KCNMA1: variants seen among roughly 807,000 people sequenced by gnomAD.
The protein encoded by KCNMA1 is potassium calcium-activated channel subfamily M alpha 1.
Under a neutral mutation model 140.0 loss-of-function variants are expected in KCNMA1, and 29 were observed. That is an observed-to-expected ratio of 0.21 (90% CI 0.15 to 0.28). KCNMA1 has a LOEUF of 0.28. Among genes scored for constraint, KCNMA1 ranks in the 10% least tolerant of loss-of-function variants. The pLI is 1.00. For synonymous variants in KCNMA1, 612 were observed against 611.9 expected, an observed-to-expected ratio of 1.00 and a Z score of 0.00; for missense variants, 880 against 1,602.2, an observed-to-expected ratio of 0.55 and a Z score of 7.70.
chr10:77,019,454 G>T, intron 16 of KCNMA1: 1 of 266,330 alleles, frequency 3.8e-6, no homozygotes, highest in Non-Finnish European at 7.2e-6. Flanking sequence ...TGCTATTGGT[G>T]GTCAACACGG....
chr10:77,509,925 A>G lies in KCNMA1; in HGVS notation c.379-105902T>C, dbSNP rs551205909. Among the ~76,000 whole-genome samples the G allele has an allele frequency of 4.2e-4, 64 of 152,102 alleles. 1 individual carries two copies. The South Asian group carries it at 9.6e-3, about 23-fold the overall frequency. On this transcript the variant is annotated intron_variant, in intron 1 of 27. Coordinates refer to ENST00000286628, the MANE Select transcript of KCNMA1 (RefSeq NM_001161352.2). The stretch of plus-strand genomic sequence containing the variant: ...TCATTAGTTGTCAAACACCAACTCT[A>G]TGGCAAGTGGAGTGCAAGACCCTAC...
At chr10:77,181,797 A>C (rs2098804855) in intron 5 of KCNMA1, among the ~76,000 whole-genome samples, 1 of 152,188 alleles carries the variant, frequency 6.6e-6, no homozygotes. Context: ...TAAGCAAAAA[A>C]TCCAGTCTAA....
chr10:77,466,559 T>C lies in KCNMA1; in HGVS notation c.379-62536A>G, dbSNP rs150123046. ...AAGGCCAATCAAGTACACAAACAAA[T>C]ACTACATATTACATATATGTTAAAT... is the stretch of plus-strand genomic sequence containing the variant. On this transcript the variant is annotated intron_variant, in intron 1 of 27. Coordinates refer to ENST00000286628, the MANE Select transcript of KCNMA1 (RefSeq NM_001161352.2). Among the ~76,000 whole-genome samples, 109 of 152,310 alleles carry C rather than the reference T, an allele frequency of 7.2e-4. 2 individuals carry two copies. In the East Asian group the frequency reaches 0.019, roughly 26 times the overall value.
At chr10:76,941,931 G>T (rs2062557939) in intron 23 of KCNMA1, among the ~76,000 whole-genome samples, 1 of 152,038 alleles carries the variant, frequency 6.6e-6, no homozygotes, top group Admixed American at 6.5e-5. Context: ...GGGACGAGGG[G>T]TCTCTCTCAG....
intron 2 of KCNMA1, among the ~76,000 whole-genome samples, chr10:77,331,031 C>T (rs184095053): frequency 4.2e-4 from 64 of 152,216 alleles, no homozygotes; most frequent in Admixed American, 2.5e-3. Flanking sequence ...CAGAGCCACA[C>T]GGAATCTAAA....
intron 5 of KCNMA1, among the ~76,000 whole-genome samples, chr10:77,158,747 G>A (rs1319946192): frequency 6.6e-6 from 1 of 152,168 alleles, no homozygotes; most frequent in East Asian, 1.9e-4. Flanking sequence ...CATGAGTCAA[G>A]GTCAAGCTTC....
intron 1 of KCNMA1, among the ~76,000 whole-genome samples, chr10:77,481,304 A>G (rs2098392486): frequency 6.6e-6 from 1 of 152,204 alleles, no homozygotes; most frequent in African/African-American, 2.4e-5. Flanking sequence ...TAAATAAATG[A>G]ACAAATAAAT....
At chr10:77,567,953 G>A (rs2068988893) in intron 1 of KCNMA1, among the ~76,000 whole-genome samples, 1 of 152,156 alleles carries the variant, frequency 6.6e-6, no homozygotes, top group Admixed American at 6.6e-5. Flanking sequence ...TTAGCCAGGT[G>A]TGCTCTACGC....
chr10:76,887,325 G>A lies in KCNMA1; in HGVS notation c.3652C>T (p.Arg1218Trp), dbSNP rs201703516. Residue 1218 changes from arginine (R) to tryptophan (W), a missense_variant, in exon 28 of 28, where the codon CGG (arginine) becomes TGG (tryptophan). Arg to Trp is a moderately radical substitution (Grantham distance 101, BLOSUM62 -3). Coordinates refer to ENST00000286628, the MANE Select transcript of KCNMA1 (RefSeq NM_001161352.2). ...TCCCGGGACTCCCTGGACTTGGGCCGGTTCTGTCGGTTTGCTGTGGATGGG... is the reference window on the plus strand; with the variant it reads ...TCCCGGGACTCCCTGGACTTGGGCCAGTTCTGTCGGTTTGCTGTGGATGGG... The part of the protein sequence containing the change: ...SIPSTANRQN[R>W]PKSRESRDKQ... The A allele has an allele frequency of 3.7e-6, 6 of 1,614,074 alleles. No homozygotes were observed. The highest frequency in any genetic ancestry group is 1.1e-5 in the South Asian group (1 of 91,066).
intron 2 of KCNMA1, among the ~76,000 whole-genome samples, chr10:77,402,330 C>T (rs141676477): frequency 1.2e-3 from 178 of 152,290 alleles, no homozygotes; most frequent in Admixed American, 1.8e-3. Context: ...AGACACTGTC[C>T]CTCCTGGGTC....
chr10:77,576,840 C>T (rs2074291242), intron 1 of KCNMA1, among the ~76,000 whole-genome samples: 1 of 152,144 alleles, frequency 6.6e-6, no homozygotes, highest in South Asian at 2.1e-4. Flanking sequence ...GTAACCTGTC[C>T]AAGTCATTTA....
chr10:77,313,391 G>A (rs1352658390), intron 2 of KCNMA1, among the ~76,000 whole-genome samples: 2 of 152,184 alleles, frequency 1.3e-5, no homozygotes, highest in Admixed American at 6.5e-5. Context: ...AGCCACTCAC[G>A]ACAGAGTCCA....
At chr10:77,189,181 C>CACCGCTTTGAG (rs1333949149) in intron 3 of KCNMA1, among the ~76,000 whole-genome samples, 3 of 152,032 alleles carry the variant, frequency 2.0e-5, no homozygotes, top group African/African-American at 7.3e-5. Context: ...TATCTGGGAA[C>CACCGCTTTGAG]ACCGCTTTGA....
At chr10:76,954,042 A>T (rs986638932) in intron 20 of KCNMA1, 118 bp from the exon 21 acceptor site, 2 of 1,143,516 alleles carry the variant, frequency 1.7e-6, no homozygotes, top group Non-Finnish European at 2.5e-6. Flanking sequence ...GTTGTCACTG[A>T]AGGCCATTCT....
chr10:77,341,761 G>T (rs2090987141), intron 2 of KCNMA1, among the ~76,000 whole-genome samples: 1 of 152,244 alleles, frequency 6.6e-6, no homozygotes, highest in Non-Finnish European at 1.5e-5. Context: ...TTTAGCAGCT[G>T]AGTCTAAAAG....
intron 1 of KCNMA1, among the ~76,000 whole-genome samples, chr10:77,535,481 A>C (rs2058688696): frequency 6.6e-6 from 1 of 152,238 alleles, no homozygotes; most frequent in African/African-American, 2.4e-5. Flanking sequence ...GGAAAACAGT[A>C]TGAAGGTTCC....
chr10:77,080,274 C>T (rs140642948), intron 12 of KCNMA1, among the ~76,000 whole-genome samples: 49 of 152,308 alleles, frequency 3.2e-4, no homozygotes, highest in African/African-American at 9.9e-4. Flanking sequence ...GGTATAAATA[C>T]GACAGCCTGC....
chr10:77,512,852 G>T (rs534249642), intron 1 of KCNMA1, among the ~76,000 whole-genome samples: 1 of 152,114 alleles, frequency 6.6e-6, no homozygotes, highest in South Asian at 2.1e-4. Flanking sequence ...CGGTATATCC[G>T]ACTTGAGCCT....
At chr10:77,508,107 G>GAA (rs1328296533) in intron 1 of KCNMA1, among the ~76,000 whole-genome samples, 1 of 152,178 alleles carries the variant, frequency 6.6e-6, no homozygotes, top group South Asian at 2.1e-4. Flanking sequence ...AATGCATAGA[G>GAA]AAAAGAGTGA....
Sources: gnomAD v4.1 joint callset for allele counts (sites outside exome capture counted in the v4.1 genomes callset) on GRCh38, gnomAD v4.1.1 for gene constraint, MANE v1.5 for transcripts, NCBI Gene and HGNC (gene_info 2026-07-23, HGNC 2026-07-21) for gene names.